SF3B2: variants seen among roughly 807,000 people sequenced by gnomAD.
The protein encoded by SF3B2 is splicing factor 3b subunit 2, also known as SAP 145.
SF3B2 carries 22 observed loss-of-function variants against 116.3 expected under a neutral mutation model. The ratio of observed to expected loss-of-function variants is 0.19; its 90% CI spans 0.14 to 0.27. SF3B2 has a LOEUF of 0.27. Ranked by LOEUF, SF3B2 falls within the 10% of genes least tolerant of loss-of-function variation. SF3B2 has a pLI of 1.00. For missense variants in SF3B2, 767 were observed against 1,151.4 expected (o/e 0.67, Z 4.83); for synonymous variants, 406 against 421.6 (o/e 0.96, Z 0.45).
intron 19 of SF3B2, chr11:66,067,724 C>G (rs1857212468): frequency 1.8e-6 from 1 of 545,298 alleles, no homozygotes; most frequent in South Asian, 2.0e-5. Context: ...TGACTTGATT[C>G]AGGGGGCCCC....
intron 13 of SF3B2, 35 bp from the exon 14 acceptor site, chr11:66,060,547 A>G (rs754670321): frequency 3.1e-6 from 5 of 1,612,690 alleles, no homozygotes; most frequent in Non-Finnish European, 4.2e-6. Flanking sequence ...TTTGGTGAGT[A>G]CTTGTTAAGG....
chr11:66,062,920 C>A, intron 16 of SF3B2, 89 bp from the exon 17 acceptor site: 1 of 760,228 alleles, frequency 1.3e-6, no homozygotes, highest in Non-Finnish European at 2.1e-6. Context: ...CAAGTATCAG[C>A]TCTGTACTTT....
intron 5 of SF3B2, chr11:66,055,913 C>T (rs561965989): frequency 3.2e-5 from 10 of 309,738 alleles, no homozygotes; most frequent in South Asian, 9.1e-5. Context: ...ATAAAAAGAG[C>T]CTGCTGACCT....
In SF3B2 at chr11:66,061,947, C is replaced by T; in HGVS notation, c.1926C>T (p.Pro642=). 2 of 1,613,694 alleles carry T rather than the reference C, an allele frequency of 1.2e-6. No individual in the cohort carries two copies. The highest frequency in any genetic ancestry group is 1.7e-6 in the Non-Finnish European group (2 of 1,179,904). The change falls in exon 16 of 22, where the codon CCC becomes CCT. Residue 642 remains proline, a synonymous_variant. Coordinates refer to ENST00000322535, the MANE Select transcript of SF3B2 (RefSeq NM_006842.3). ...TTGCCATGCAGCGATATGGACCACC[C>T]CCATCGTATCCCAACCTGAAAATCC... ...WLIAMQRYGP[P]PSYPNLKIPG... is the part of the protein sequence containing the mutation.
chr11:66,064,519 T>A (rs932329304), intron 19 of SF3B2: 7 of 152,250 alleles, frequency 4.6e-5, no homozygotes, highest in Admixed American at 1.3e-4. Context: ...TATATAGTTA[T>A]TATTTTTGTT....
rs958455340 is a variant in SF3B2, at chr11:66,059,115, G to A, written c.1182+70G>A. ...GGGGCTCAGAGGTGGGTGAGAGGCA[G>A]CGGTGAACAGGCATCTTTTAGTGCT... On this transcript the variant is annotated intron_variant, in intron 10 of 21. Transcript: ENST00000322535. The surrounding 1 kb of genome is among the most constrained non-coding windows in gnomAD (Gnocchi z 5.0). The A allele has an allele frequency of 6.2e-7, 1 of 1,608,330 alleles. No homozygotes were observed.
intron 1 of SF3B2, 33 bp downstream of exon 1, chr11:66,052,550 G>T (rs773812242): frequency 3.1e-6 from 5 of 1,598,294 alleles, no homozygotes; most frequent in Non-Finnish European, 4.3e-6. Flanking sequence ...GGGCCTTTAC[G>T]GGCCTGCGGA....
chr11:66,062,019 C>T (rs751836608), intron 16 of SF3B2, 21 bp downstream of exon 16: 92 of 1,557,150 alleles, frequency 5.9e-5, no homozygotes, highest in Non-Finnish European at 7.2e-5. Flanking sequence ...TCCTTTCGTT[C>T]ATTCTTGGCC....
chr11:66,056,531 C>A (rs2135040818), intron 5 of SF3B2, among the ~76,000 whole-genome samples: 1 of 151,530 alleles, frequency 6.6e-6, no homozygotes, highest in Non-Finnish European at 1.5e-5. Flanking sequence ...ATAATTTAAT[C>A]TTTTGGGGAA....
chr11:66,056,793 C>T (rs752054192), intron 5 of SF3B2, 45 bp from the exon 6 acceptor site: 1 of 1,463,504 alleles, frequency 6.8e-7, no homozygotes, highest in Non-Finnish European at 9.6e-7. Context: ...GGCTGCCTGC[C>T]AAATGCGTTT....
At position 66,052,892 on chromosome 11, in the gene SF3B2, C is replaced by T. The variant is rs1183986317; in HGVS notation, c.181-135C>T. The T allele has an allele frequency of 2.5e-6, 3 of 1,215,222 alleles. No individual in the cohort carries two copies. In the African/African-American group the frequency reaches 4.5e-5, roughly 18 times the overall value. 75.3% of individuals were successfully genotyped at this position (1,215,222 alleles called of 1,614,324 possible). A position where few individuals can be genotyped will look rare whatever the true frequency, so the allele number is the denominator to read the frequency against. ...CTTAGTTGTAATTTCTTGTATCCAT[C>T]TTGGTCCTCTTCAGTGCCCAGCCAG... On this transcript the variant is annotated intron_variant, in intron 2 of 21. Coordinates refer to ENST00000322535, the MANE Select transcript of SF3B2 (RefSeq NM_006842.3).
At chr11:66,054,385 G>A (rs947650242) in intron 3 of SF3B2, among the ~76,000 whole-genome samples, 1 of 151,654 alleles carries the variant, frequency 6.6e-6, no homozygotes. Flanking sequence ...GCTGAGGCAC[G>A]AGAATTGCTT....
At chr11:66,056,500 G>T (rs1314756860) in intron 5 of SF3B2, among the ~76,000 whole-genome samples, 9 of 150,260 alleles carry the variant, frequency 6.0e-5, no homozygotes, top group African/African-American at 2.2e-4. Context: ...TATAAGAAAA[G>T]AGCTCAAAAG....
Position 66,063,609 on chromosome 11 carries a change from C to A in SF3B2, c.2229-19C>A, listed in dbSNP as rs758356994. ...TGGGGTCCTTCTCTTTACTCCAGAG[C>A]TTGTTCCTCTCTTTACAGTGGCCTT... On this transcript the variant is annotated intron_variant, in intron 18 of 21. Transcript: ENST00000322535. The A allele has an allele frequency of 6.2e-7, 1 of 1,610,188 alleles. No homozygotes were observed. Among genetic ancestry groups the A allele is most frequent in the Non-Finnish European group, 8.5e-7 (1 of 1,178,156 alleles).
chr11:66,068,095 G>A, intron 20 of SF3B2, 50 bp downstream of exon 20: 1 of 1,612,824 alleles, frequency 6.2e-7, no homozygotes, highest in Non-Finnish European at 8.5e-7. Context: ...GGCAGCAGAA[G>A]CTAGGGCTTC....
In SF3B2 at chr11:66,068,830, G is replaced by T; in HGVS notation, c.*85G>T. On this transcript the variant is annotated 3_prime_UTR_variant, in exon 22 of 22. Transcript: ENST00000322535. ...AACCACCTCTCCCGCAGTTCCCAAG[G>T]ACTTGTCATTTCATGTTCTTATTTT... The T allele has an allele frequency of 9.6e-7, 1 of 1,044,782 alleles. No individual in the cohort carries two copies. The highest frequency in any genetic ancestry group is 1.6e-5 in the African/African-American group (1 of 62,266). 64.7% of individuals were successfully genotyped at this position (1,044,782 alleles called of 1,614,324 possible).
intron 3 of SF3B2, among the ~76,000 whole-genome samples, chr11:66,054,477 C>CG (rs113250506): frequency 6.4e-5 from 9 of 140,042 alleles, no homozygotes; most frequent in South Asian, 2.2e-4. Context: ...ACTCTTGTCT[C>CG]AAAAAAAAAA....
Position 66,058,411 on chromosome 11 carries a change from G to T in SF3B2, c.966+6G>T. The T allele has an allele frequency of 6.2e-7, 1 of 1,610,432 alleles. No individual in the cohort carries two copies. Among genetic ancestry groups the T allele is most frequent in the South Asian group, 1.1e-5 (1 of 91,002 alleles). ...TGTCCGTATCTAAAAAGGAGGTAGG[G>T]ATTGGAGCTGAGTGTGGAAGGAAAG... On this transcript the variant is annotated splice_donor_region_variant and intron_variant, in intron 9 of 21. Transcript: ENST00000322535.
intron 19 of SF3B2, 141 bp from the exon 20 acceptor site, chr11:66,067,805 A>C: frequency 1.5e-6 from 1 of 675,364 alleles, no homozygotes. Context: ...TGTCATGGGC[A>C]GAACTGCAGA....
Sources: gnomAD v4.1 joint callset for allele counts (sites outside exome capture counted in the v4.1 genomes callset) on GRCh38, gnomAD v4.1.1 for gene constraint, Gnocchi (gnomAD v3.1) non-coding constraint, MANE v1.5 for transcripts, NCBI Gene and HGNC (gene_info 2026-07-23, HGNC 2026-07-21) for gene names.